The following GRAMD4 variants were observed in gnomAD, a reference collection of about 807,000 sequenced individuals.
GRAMD4 encodes the protein GRAM domain containing 4.
A neutral mutation model predicts 83.9 loss-of-function variants in GRAMD4; 25 were observed. That is an observed-to-expected ratio of 0.30 (90% CI 0.22 to 0.42). The LOEUF is 0.42. Ranked by LOEUF, GRAMD4 falls within the 10% of genes least tolerant of loss-of-function variation. The probability of loss-of-function intolerance (pLI) is 1.00; values close to 1 mark genes in which losing one functional copy is unlikely to be tolerated. For synonymous variants in GRAMD4, 336 were observed against 320.9 expected, an observed-to-expected ratio of 1.05 and a Z score of -0.50; for missense variants, 593 against 788.7, an observed-to-expected ratio of 0.75 and a Z score of 2.97.
rs562604475 is a variant in GRAMD4, at chr22:46,666,334, G to A, written c.810-491G>A. 7.9e-5 allele frequency among the ~76,000 whole-genome samples: 12 copies of A among 152,340 alleles called. No homozygotes were observed. In the South Asian group the frequency reaches 2.5e-3, roughly 32 times the overall value. On this transcript the variant is annotated intron_variant, in intron 9 of 18. Transcript: ENST00000406902. ...CTGGAGTGAACCTCAGCCTTGCACC[G>A]AGGCTCAGGGAAGAGCTGTGATTCT... is the stretch of plus-strand genomic sequence containing the variant.
chr22:46,593,550 G>A (rs1382317548), intron 1 of GRAMD4, among the ~76,000 whole-genome samples: 2 of 152,050 alleles, frequency 1.3e-5, no homozygotes, highest in African/African-American at 2.4e-5. Flanking sequence ...GTGACTTCCC[G>A]TAGCAGGCTG....
In GRAMD4 at chr22:46,660,000, G is replaced by T. The variant is rs534083046; in HGVS notation, c.405-1381G>T. Among the ~76,000 whole-genome samples the T allele has an allele frequency of 2.2e-4, 33 of 152,318 alleles. No individual in the cohort carries two copies. In the South Asian group the frequency reaches 5.2e-3, roughly 24 times the overall value. Reference sequence around the variant, plus strand: ...CACAGTGCCATCCCCGCCACGGGACGCTGCTTCTCCCCCGGTGGCTAAGGT... The same window carrying T: ...CACAGTGCCATCCCCGCCACGGGACTCTGCTTCTCCCCCGGTGGCTAAGGT... On this transcript the variant is annotated intron_variant, in intron 4 of 18. Transcript: ENST00000406902. The surrounding 1 kb of genome is among the most constrained non-coding windows in gnomAD (Gnocchi z 4.1).
chr22:46,636,485 T>C (rs911802124), intron 2 of GRAMD4, among the ~76,000 whole-genome samples: 4 of 152,230 alleles, frequency 2.6e-5, no homozygotes, highest in African/African-American at 9.6e-5. Flanking sequence ...GCCTAGAAGC[T>C]GCTGGTTCCC....
At chr22:46,623,730 G>A (rs927681306) in intron 1 of GRAMD4, among the ~76,000 whole-genome samples, 2 of 151,008 alleles carry the variant, frequency 1.3e-5, no homozygotes, top group Non-Finnish European at 2.9e-5. Flanking sequence ...AGGTTTTCGC[G>A]TATTAGGAAG....
chr22:46,662,904 AC>A lies in GRAMD4; in HGVS notation c.467-131del, dbSNP rs1169807120. The A allele has an allele frequency of 2.2e-5, 16 of 725,160 alleles. No homozygotes were observed. In the East Asian group the frequency reaches 3.8e-4, roughly 17 times the overall value. 44.9% of individuals were successfully genotyped at this position (725,160 alleles called of 1,614,324 possible). A position where few individuals can be genotyped will look rare whatever the true frequency, so the allele number is the denominator to read the frequency against. On this transcript the variant is annotated intron_variant, in intron 5 of 18. Coordinates refer to ENST00000406902, the MANE Select transcript of GRAMD4 (RefSeq NM_015124.5). Reference sequence around the variant, plus strand: ...CAGGGACCCTTCATTTCCCTGACCTACCCCCGAGCATTCCTTGTGCCTCTGC... The same window carrying A: ...CAGGGACCCTTCATTTCCCTGACCTACCCCGAGCATTCCTTGTGCCTCTGC...
Position 46,675,570 on chromosome 22 carries a change from C to T in GRAMD4, c.1563+18C>T, listed in dbSNP as rs55828234. ...TCCAGAAGGTTGGTGCACCTACCCA[C>T]CCCCACTAACCCCCGTGTTTTCTTC... On this transcript the variant is annotated intron_variant, in intron 17 of 18. Coordinates refer to ENST00000406902, the MANE Select transcript of GRAMD4 (RefSeq NM_015124.5). 5,682 of 1,455,722 alleles carry T rather than the reference C, an allele frequency of 3.9e-3. 19 individuals are homozygous for T. Among genetic ancestry groups the T allele is most frequent in the Admixed American group, 0.017 (1,023 of 59,826 alleles). 90.2% of individuals were successfully genotyped at this position (1,455,722 alleles called of 1,614,324 possible). A position where few individuals can be genotyped will look rare whatever the true frequency, so the allele number is the denominator to read the frequency against.
At chr22:46,604,631 A>T (rs1409281386) in intron 1 of GRAMD4, among the ~76,000 whole-genome samples, 2 of 152,222 alleles carry the variant, frequency 1.3e-5, no homozygotes, top group African/African-American at 4.8e-5. Context: ...ACTGCAGATA[A>T]GTGGAATCTC....
chr22:46,643,019 GGATCCATCCATCCC>G (rs2081996810), intron 3 of GRAMD4, among the ~76,000 whole-genome samples: 1 of 69,480 alleles, frequency 1.4e-5, no homozygotes, highest in African/African-American at 5.8e-5. Context: ...ATCCATCCCT[GGATCCATCCATCCC>G]TGGATCCATC....
At chr22:46,611,710 G>A (rs1305303062) in intron 1 of GRAMD4, among the ~76,000 whole-genome samples, 1 of 151,796 alleles carries the variant, frequency 6.6e-6, no homozygotes, top group African/African-American at 2.4e-5. Flanking sequence ...CAGGGTCTCG[G>A]CTGGGTGTGG....
At chr22:46,634,956 A>G (rs987344402) in intron 2 of GRAMD4, among the ~76,000 whole-genome samples, 8 of 152,072 alleles carry the variant, frequency 5.3e-5, no homozygotes, top group African/African-American at 1.9e-4. Context: ...AAAAAAAAAA[A>G]AAAGAAATCA....
intron 1 of GRAMD4, among the ~76,000 whole-genome samples, chr22:46,585,404 G>T (rs554743489): frequency 6.6e-6 from 1 of 152,110 alleles, no homozygotes; most frequent in Non-Finnish European, 1.5e-5. Context: ...TGGTCAGGCT[G>T]GTCTCAAACT....
intron 1 of GRAMD4, among the ~76,000 whole-genome samples, chr22:46,581,471 C>G (rs1228502290): frequency 6.6e-6 from 1 of 152,238 alleles, no homozygotes; most frequent in Non-Finnish European, 1.5e-5. Context: ...AGGCTATGCT[C>G]ATAAACATTG....
Position 46,679,580 on chromosome 22 carries a change from TTA to T in GRAMD4, c.*2331_*2332del. The T allele has an allele frequency of 1.0e-6, 1 of 984,806 alleles. No homozygotes were observed. Among genetic ancestry groups the T allele is most frequent in the Non-Finnish European group, 1.2e-6 (1 of 829,144 alleles). The allele number at this position is 984,806 out of a possible 1,614,324, so 61.0% of individuals were successfully genotyped here. ...CTGAACTAGACGAATGTTAAATTTT[TTA>T]TGTCTGAAGCCTGAGTCTATTTTGG... is the stretch of plus-strand genomic sequence containing the variant. On this transcript the variant is annotated 3_prime_UTR_variant, in exon 19 of 19. Coordinates refer to ENST00000406902, the MANE Select transcript of GRAMD4 (RefSeq NM_015124.5).
chr22:46,647,810 C>A (rs2082092621), intron 3 of GRAMD4, among the ~76,000 whole-genome samples: 1 of 152,248 alleles, frequency 6.6e-6, no homozygotes, highest in South Asian at 2.1e-4. Flanking sequence ...CCTTCCCGTC[C>A]TCTGCACCTC....
At chr22:46,617,380 G>C (rs1243510063), upstream of GRAMD4, among the ~76,000 whole-genome samples, 1 of 148,708 alleles carries the variant, frequency 6.7e-6, no homozygotes, top group Non-Finnish European at 1.5e-5. Flanking sequence ...GGGTTCCCCT[G>C]TGTGTGCAGC....
At chr22:46,648,947 G>GATGC (rs1569288694) in intron 3 of GRAMD4, among the ~76,000 whole-genome samples, 1 of 80,162 alleles carries the variant, frequency 1.2e-5, no homozygotes, top group African/African-American at 4.6e-5. Flanking sequence ...TGGATGGATG[G>GATGC]ATGGATGGAT....
chr22:46,624,902 C>T (rs946109635), intron 1 of GRAMD4, among the ~76,000 whole-genome samples: 19 of 150,858 alleles, frequency 1.3e-4, no homozygotes, highest in Admixed American at 1.1e-3. Flanking sequence ...GCTCTGTCAC[C>T]CAGGCTGGAG....
chr22:46,666,929 C>G, intron 10 of GRAMD4, 56 bp downstream of exon 10: 2 of 1,303,958 alleles, frequency 1.5e-6, no homozygotes, highest in Non-Finnish European at 2.1e-6. Context: ...CGTCAGGCCT[C>G]ACAGCCTGTA....
chr22:46,640,986 G>A (rs1301097594), intron 3 of GRAMD4, among the ~76,000 whole-genome samples: 1 of 152,196 alleles, frequency 6.6e-6, no homozygotes, highest in Non-Finnish European at 1.5e-5. Flanking sequence ...ACCATCAGCT[G>A]TCCAACTTAA....
Sources: allele counts gnomAD v4.1 joint callset (sites outside exome capture counted in the v4.1 genomes callset), GRCh38; gene constraint gnomAD v4.1.1; non-coding constraint Gnocchi (gnomAD v3.1); transcripts MANE v1.5; gene names NCBI Gene and HGNC (gene_info 2026-07-23, HGNC 2026-07-21).